The following TJP2 variants were observed in gnomAD, a reference collection of about 807,000 sequenced individuals.
TJP2 encodes tight junction protein 2.
Under a neutral mutation model 133.1 loss-of-function variants are expected in TJP2, and 91 were observed. The ratio of observed to expected loss-of-function variants is 0.68; its 90% CI spans 0.58 to 0.81. The LOEUF (loss-of-function observed/expected upper bound fraction) is 0.81. TJP2 is among the 40% of genes least tolerant of loss of function. The pLI, the probability that TJP2 is intolerant of heterozygous loss-of-function variation, is 0.00. For missense variants in TJP2, 1,541 were observed against 1,565.6 expected (o/e 0.98, Z 0.26); for synonymous variants, 592 against 583.4 (o/e 1.01, Z -0.21).
chr9:69,135,504 G>C (rs1397053082), intron 1 of TJP2, among the ~76,000 whole-genome samples: 2 of 152,078 alleles, frequency 1.3e-5, no homozygotes, highest in African/African-American at 4.8e-5. Context: ...ACAGTGACAC[G>C]ATCTCAGCTC....
chr9:69,239,698 C>T (rs1231649685), intron 16 of TJP2, among the ~76,000 whole-genome samples: 1 of 151,970 alleles, frequency 6.6e-6, no homozygotes, highest in African/African-American at 2.4e-5. Context: ...CCTGTAATCC[C>T]AGCTACTCAG....
At position 69,236,170 on chromosome 9, in the gene TJP2, G is replaced by A; in HGVS notation, c.1923G>A (p.Lys641=). The change falls in exon 13 of 23, where the codon AAG becomes AAA. Residue 641 remains lysine, a synonymous_variant. Transcript: ENST00000377245. ...TGGTAGACACACTGTATGACGGCAA[G>A]CTGGGCAACTGGCTGGCTGTGAGGA... is the stretch of plus-strand genomic sequence containing the variant. ...FRVVDTLYDG[K]LGNWLAVRIG... 6.2e-7 allele frequency: 1 copy of A among 1,614,204 alleles called. No individual in the cohort carries two copies.
intron 1 of TJP2, among the ~76,000 whole-genome samples, chr9:69,129,175 G>C (rs1030079528): frequency 1.3e-5 from 2 of 152,058 alleles, no homozygotes; most frequent in African/African-American, 2.4e-5. Context: ...ACACACAAAC[G>C]GACTAGTGTA....
chr9:69,169,579 C>T (rs34854736), upstream of TJP2, among the ~76,000 whole-genome samples: 3 of 152,046 alleles, frequency 2.0e-5, no homozygotes, highest in Admixed American at 1.3e-4. Flanking sequence ...AGGGTGGTCT[C>T]GAACTCCTGA....
At chr9:69,175,877 G>A (rs905300654) in intron 1 of TJP2, among the ~76,000 whole-genome samples, 1 of 152,120 alleles carries the variant, frequency 6.6e-6, no homozygotes, top group Non-Finnish European at 1.5e-5. Flanking sequence ...ATTGATGAAG[G>A]GGAACTTTCC....
At chr9:69,209,308 G>GT (rs1012045563) in intron 1 of TJP2, among the ~76,000 whole-genome samples, 36 of 151,978 alleles carry the variant, frequency 2.4e-4, no homozygotes, top group African/African-American at 7.2e-4. Flanking sequence ...AATTTTTTGT[G>GT]TTTTTGGTAG....
chr9:69,133,111 G>A (rs187345593), intron 1 of TJP2, among the ~76,000 whole-genome samples: 2 of 152,170 alleles, frequency 1.3e-5, no homozygotes, highest in Admixed American at 6.5e-5. Flanking sequence ...ACAGGCATGT[G>A]CCATCACACC....
chr9:69,245,835 AAATGTATATTCTTTGAATACAC>A (rs1357258222), intron 17 of TJP2, among the ~76,000 whole-genome samples: 3 of 152,352 alleles, frequency 2.0e-5, no homozygotes, highest in Admixed American at 2.0e-4. Context: ...TCTGAGTAGA[AAATGTATATTCTTTGAATACAC>A]ACTGGTTGGG....
At chr9:69,236,527 A>T (rs187403867) in intron 13 of TJP2, among the ~76,000 whole-genome samples, 215 of 152,288 alleles carry the variant, frequency 1.4e-3, no homozygotes, top group Non-Finnish European at 2.6e-3. Context: ...GAATGGCCGT[A>T]GCACACCAGC....
intron 12 of TJP2, 47 bp downstream of exon 12, chr9:69,234,594 T>C (rs1038126572): frequency 3.0e-6 from 2 of 668,614 alleles, no homozygotes; most frequent in Non-Finnish European, 5.3e-6. Context: ...GGGTGGGGAG[T>C]GGGAAGGATG....
intron 2 of TJP2, among the ~76,000 whole-genome samples, chr9:69,156,494 G>GACAT (rs1486476271): frequency 6.6e-6 from 1 of 151,682 alleles, no homozygotes; most frequent in Non-Finnish European, 1.5e-5. Context: ...ATTTTAGGGA[G>GACAT]ACATAATACA....
upstream of TJP2, among the ~76,000 whole-genome samples, chr9:69,170,356 G>A (rs1445813984): frequency 2.0e-5 from 3 of 151,776 alleles, no homozygotes; most frequent in African/African-American, 7.3e-5. Context: ...TGTAATTTGT[G>A]TTTTTTTGTT....
At chr9:69,242,008 T>C (rs775799607) in intron 17 of TJP2, among the ~76,000 whole-genome samples, 7 of 152,208 alleles carry the variant, frequency 4.6e-5, no homozygotes, top group East Asian at 1.9e-4. Flanking sequence ...GTACACTAAA[T>C]AGCGAGCGTC....
At chr9:69,202,067 A>G (rs1377255753) in intron 1 of TJP2, among the ~76,000 whole-genome samples, 8 of 152,186 alleles carry the variant, frequency 5.3e-5, no homozygotes, top group East Asian at 1.9e-4. Flanking sequence ...GTCTTAGTCA[A>G]TTCCTACTCC....
At chr9:69,236,334 T>G in intron 13 of TJP2, 96 bp downstream of exon 13, 1 of 1,217,010 alleles carries the variant, frequency 8.2e-7, no homozygotes. Flanking sequence ...AAACCCCACA[T>G]GATGAGTTCA....
intron 10 of TJP2, among the ~76,000 whole-genome samples, chr9:69,229,522 T>C (rs1468722965): frequency 6.6e-6 from 1 of 152,236 alleles, no homozygotes; most frequent in Non-Finnish European, 1.5e-5. Context: ...ATATTTGCGT[T>C]TGTCAGATAA....
At chr9:69,246,597 A>G (rs1268591205) in intron 17 of TJP2, 93 bp from the exon 18 acceptor site, 5 of 1,091,016 alleles carry the variant, frequency 4.6e-6, no homozygotes, top group Admixed American at 1.8e-5. Context: ...AGTCTTAAAT[A>G]TCACAGAAAT....
At chr9:69,238,163 CTT>C (rs1417473023) in intron 15 of TJP2, among the ~76,000 whole-genome samples, 190 bp downstream of exon 15, 1 of 152,130 alleles carries the variant, frequency 6.6e-6, no homozygotes, top group African/African-American at 2.4e-5. Context: ...TACACATACT[CTT>C]TGAAAAATTT....
intron 2 of TJP2, among the ~76,000 whole-genome samples, chr9:69,157,681 ACTCCTGACCTCAAGTGATCCAT>A (rs1823843431): frequency 6.6e-6 from 1 of 152,064 alleles, no homozygotes; most frequent in South Asian, 2.1e-4. Context: ...CCAGGCTCTA[ACTCCTGACCTCAAGTGATCCAT>A]CTGCCTTGAC....
Sources: gnomAD v4.1 joint callset for allele counts (sites outside exome capture counted in the v4.1 genomes callset) on GRCh38, gnomAD v4.1.1 for gene constraint, MANE v1.5 for transcripts, NCBI Gene and HGNC (gene_info 2026-07-23, HGNC 2026-07-21) for gene names.